ERC1: variants seen among roughly 807,000 people sequenced by gnomAD.
ERC1 encodes RAB6 interacting protein 2.
In ERC1, 56 loss-of-function variants were observed where a neutral mutation model predicts 132.0. The ratio of observed to expected loss-of-function variants is 0.42; its 90% CI spans 0.34 to 0.53. ERC1 has a LOEUF of 0.53. ERC1 is among the 20% of genes least tolerant of loss of function. ERC1 has a pLI of 0.03. For missense variants in ERC1, 1,202 were observed against 1,349.9 expected (o/e 0.89, Z 1.72); for synonymous variants, 478 against 476.1 (o/e 1.00, Z -0.05).
chr12:1,381,346 T>G (rs1212448599), intron 16 of ERC1: 1 of 152,090 alleles, frequency 6.6e-6, no homozygotes, highest in African/African-American at 2.4e-5. Context: ...CCTTATTTTT[T>G]TATTTACTGA....
At chr12:1,354,631 T>C (rs2085349990) in intron 15 of ERC1, among the ~76,000 whole-genome samples, 1 of 152,212 alleles carries the variant, frequency 6.6e-6, no homozygotes, top group Non-Finnish European at 1.5e-5. Flanking sequence ...TTCATACTCT[T>C]GAAGAATCAT....
chr12:1,493,548 A>AAAAAAAAAAATATATATATATATATAT lies in ERC1; in HGVS notation c.*3319_*3320insAAAAAAAAATATATATATATATATATA, dbSNP rs56939346. The stretch of plus-strand genomic sequence containing the variant: ...ACTCCATTTAAAAAAAAAAAAAAAA[A>AAAAAAAAAAATATATATATATATATAT]ATATATATATATATATATATATATA... On this transcript the variant is annotated 3_prime_UTR_variant, in exon 19 of 19. Transcript: ENST00000360905. The AAAAAAAAAAATATATATATATATATAT allele has an allele frequency of 7.3e-5, 1 of 13,618 alleles. No individual in the cohort carries two copies. Among genetic ancestry groups the AAAAAAAAAAATATATATATATATATAT allele is most frequent in the Non-Finnish European group, 1.5e-4 (1 of 6,820 alleles). The allele number at this position is 13,618 out of a possible 1,614,324, so 0.8% of individuals were successfully genotyped here. A position where few individuals can be genotyped will look rare whatever the true frequency, so the allele number is the denominator to read the frequency against.
At chr12:1,465,298 C>A (rs962040711) in intron 18 of ERC1, among the ~76,000 whole-genome samples, 1 of 152,202 alleles carries the variant, frequency 6.6e-6, no homozygotes, top group African/African-American at 2.4e-5. Flanking sequence ...GTCTTCCGGT[C>A]CGGTCAGAGC....
At chr12:1,415,954 C>T (rs918836930) in intron 17 of ERC1, among the ~76,000 whole-genome samples, 7 of 152,188 alleles carry the variant, frequency 4.6e-5, no homozygotes, top group African/African-American at 1.4e-4. Context: ...ATACAGGGCT[C>T]ATAGACGTTA....
chr12:1,415,403 G>T (rs2092067107), intron 17 of ERC1, among the ~76,000 whole-genome samples: 1 of 152,212 alleles, frequency 6.6e-6, no homozygotes, highest in Admixed American at 6.5e-5. Flanking sequence ...ATTTGGACCA[G>T]TATGCTAGAC....
Position 1,066,197 on chromosome 12 carries a change from A to C in ERC1, c.670-16967A>C, listed in dbSNP as rs181102889. Among the ~76,000 whole-genome samples the C allele has an allele frequency of 2.6e-5, 4 of 152,366 alleles. No individual in the cohort carries two copies. In the East Asian group the frequency reaches 5.8e-4, roughly 22 times the overall value. On this transcript the variant is annotated intron_variant, in intron 2 of 18. Coordinates refer to ENST00000360905, the MANE Select transcript of ERC1 (RefSeq NM_178040.4). ...CTACACCTCAATACATTATTTTTTAAAAGTTTTATGAACAGTCATAAATTA... is the reference window on the plus strand; with the variant it reads ...CTACACCTCAATACATTATTTTTTACAAGTTTTATGAACAGTCATAAATTA...
At chr12:1,032,419 G>A (rs943874631) in intron 2 of ERC1, among the ~76,000 whole-genome samples, 1 of 152,146 alleles carries the variant, frequency 6.6e-6, no homozygotes, top group Non-Finnish European at 1.5e-5. Context: ...GCACTTTTGA[G>A]CTCAACCATG....
At chr12:1,133,165 T>TTTTTG (rs1555262904) in intron 7 of ERC1, among the ~76,000 whole-genome samples, 3 of 151,096 alleles carry the variant, frequency 2.0e-5, no homozygotes, top group African/African-American at 7.3e-5. Flanking sequence ...GCCGGTTTTT[T>TTTTTG]TTTGTTTGTT....
At chr12:1,094,375 C>T (rs1430682591) in intron 3 of ERC1, among the ~76,000 whole-genome samples, 2 of 150,336 alleles carry the variant, frequency 1.3e-5, no homozygotes, top group Non-Finnish European at 3.0e-5. Flanking sequence ...AAGATGAGAA[C>T]AGTTGCATAC....
chr12:1,261,657 G>A (rs1321483480), intron 13 of ERC1, among the ~76,000 whole-genome samples: 2 of 151,366 alleles, frequency 1.3e-5, no homozygotes, highest in Non-Finnish European at 2.9e-5. Context: ...AACAAACAAC[G>A]TTTGTTTTCT....
intron 14 of ERC1, among the ~76,000 whole-genome samples, chr12:1,265,823 G>A (rs1003203566): frequency 3.9e-5 from 6 of 152,160 alleles, no homozygotes; most frequent in African/African-American, 1.4e-4. Flanking sequence ...AGCATGTTCA[G>A]ATTGGCTTCT....
intron 16 of ERC1, among the ~76,000 whole-genome samples, chr12:1,393,927 A>G (rs1336945099): frequency 6.8e-6 from 1 of 146,274 alleles, no homozygotes; most frequent in Non-Finnish European, 1.5e-5. Flanking sequence ...GAGGCAGGAG[A>G]ATGGCGTGAA....
At chr12:1,364,871 T>A (rs2086505564) in intron 15 of ERC1, among the ~76,000 whole-genome samples, 1 of 152,216 alleles carries the variant, frequency 6.6e-6, no homozygotes, top group Non-Finnish European at 1.5e-5. Flanking sequence ...AGATCTATAA[T>A]TTTTTAGCTT....
intron 12 of ERC1, among the ~76,000 whole-genome samples, chr12:1,201,004 A>C (rs994336090): frequency 2.6e-5 from 4 of 152,208 alleles, no homozygotes; most frequent in African/African-American, 9.7e-5. Context: ...ACACATGTAC[A>C]TGTTTATATA....
intron 1 of ERC1, among the ~76,000 whole-genome samples, chr12:1,009,236 A>G (rs1178180834): frequency 1.5e-4 from 23 of 150,716 alleles, no homozygotes; most frequent in Non-Finnish European, 4.4e-5. Flanking sequence ...GTGCAGCGGC[A>G]CTATCTCGGC....
At chr12:1,484,044 G>A (rs957792534) in intron 18 of ERC1, among the ~76,000 whole-genome samples, 12 of 146,480 alleles carry the variant, frequency 8.2e-5, no homozygotes, top group South Asian at 4.4e-4. Context: ...GGTGGCTCAC[G>A]CCTGTAATCC....
intron 12 of ERC1, among the ~76,000 whole-genome samples, chr12:1,225,450 ACACACACAC>A (rs777578482): frequency 0.012 from 619 of 50,826 alleles, 10 homozygotes; most frequent in Middle Eastern, 0.056. Flanking sequence ...GCTGTCTCTT[ACACACACAC>A]ACACACACAC....
chr12:1,196,430 A>G (rs1206451397), intron 12 of ERC1, among the ~76,000 whole-genome samples: 1 of 151,342 alleles, frequency 6.6e-6, no homozygotes, highest in African/African-American at 2.4e-5. Flanking sequence ...TGTTCATTTT[A>G]GCTGCCCTGT....
chr12:1,182,589 T>G (rs1379669044), intron 10 of ERC1, among the ~76,000 whole-genome samples: 1 of 152,214 alleles, frequency 6.6e-6, no homozygotes, highest in South Asian at 2.1e-4. Flanking sequence ...ATTTTCTTTC[T>G]AATATCTTTA....
Sources: gnomAD v4.1 joint callset for allele counts (sites outside exome capture counted in the v4.1 genomes callset) on GRCh38, gnomAD v4.1.1 for gene constraint, MANE v1.5 for transcripts, NCBI Gene and HGNC (gene_info 2026-07-23, HGNC 2026-07-21) for gene names.